The following SLC19A3 variants were observed in gnomAD, a reference collection of about 807,000 sequenced individuals.
The protein encoded by SLC19A3 is solute carrier family 19 member 3, also known as thiamine transporter 2.
A neutral mutation model predicts 40.2 loss-of-function variants in SLC19A3; 31 were observed. The ratio of observed to expected loss-of-function variants is 0.77; its 90% confidence interval spans 0.58 to 1.04. SLC19A3 has a LOEUF of 1.04. Ranked by LOEUF, SLC19A3 falls within the 50% of genes least tolerant of loss-of-function variation. The pLI, the probability that SLC19A3 is intolerant of heterozygous loss-of-function variation, is 0.00. For missense variants in SLC19A3, 592 were observed against 596.7 expected, an observed-to-expected ratio of 0.99 and a Z score of 0.08; for synonymous variants, 212 against 227.5, an observed-to-expected ratio of 0.93 and a Z score of 0.61.
chr2:227,707,068 G>A (rs1386616201), intron 1 of SLC19A3, among the ~76,000 whole-genome samples: 1 of 152,174 alleles, frequency 6.6e-6, no homozygotes, highest in African/African-American at 2.4e-5. Flanking sequence ...GGGTCTCCCT[G>A]CTGCACCTGC....
At position 227,714,623 on chromosome 2, in the gene SLC19A3, G is replaced by A. The variant is rs541039515; in HGVS notation, c.-3+3320C>T. ...GCTGCCAAGAGCAATAGCTTTATAC[G>A]CAGAAGCCCATCCACTTCTGGTGGC... is the stretch of plus-strand genomic sequence containing the variant. On this transcript the variant is annotated intron_variant, in intron 1 of 5. Transcript: ENST00000644224. 5.5e-5 allele frequency: 54 copies of A among 979,246 alleles called. No homozygotes were observed. The African/African-American group carries it at 6.5e-4, about 12-fold the overall frequency. The allele number at this position is 979,246 out of a possible 1,614,324, so 60.7% of individuals were successfully genotyped here.
chr2:227,699,636 A>G (rs1695598405), intron 2 of SLC19A3, 72 bp from the exon 3 acceptor site: 2 of 1,270,058 alleles, frequency 1.6e-6, no homozygotes, highest in African/African-American at 1.5e-5. Context: ...TTGTATCTCA[A>G]ATTCTGCCTC....
At chr2:227,700,183 T>C (rs564492036) in intron 2 of SLC19A3, among the ~76,000 whole-genome samples, 3 of 151,738 alleles carry the variant, frequency 2.0e-5, no homozygotes, top group Admixed American at 2.0e-4. Context: ...GGCCCAAGAT[T>C]CTTAAAAAAT....
chr2:227,696,190 A>T (rs895238032), intron 3 of SLC19A3, 109 bp from the exon 4 acceptor site: 1 of 1,017,014 alleles, frequency 9.8e-7, no homozygotes, highest in Non-Finnish European at 1.5e-6. Flanking sequence ...AGATAAATAT[A>T]TTGCTTTCAC....
At position 227,685,711 on chromosome 2, in the gene SLC19A3, C is replaced by T. The variant is rs1188803155; in HGVS notation, c.*1686G>A. 6.5e-6 allele frequency: 1 copy of T among 152,736 alleles called. No individual in the cohort carries two copies. Among genetic ancestry groups the T allele is most frequent in the Admixed American group, 6.5e-5 (1 of 15,336 alleles). The allele number at this position is 152,736 out of a possible 1,614,324, so 9.5% of individuals were successfully genotyped here. On this transcript the variant is annotated 3_prime_UTR_variant, in exon 6 of 6. Coordinates refer to ENST00000644224, the MANE Select transcript of SLC19A3 (RefSeq NM_025243.4). The stretch of plus-strand genomic sequence containing the variant: ...TACAGGTGTGAGCCACAGCTTCCAG[C>T]CTTAATATAAATCTTGACTCAGCAT...
intron 1 of SLC19A3, among the ~76,000 whole-genome samples, chr2:227,705,696 A>T (rs1014249978): frequency 5.9e-5 from 9 of 152,108 alleles, no homozygotes; most frequent in African/African-American, 2.2e-4. Flanking sequence ...GGGGCGAACA[A>T]CATGCCCTCG....
rs745347172 is a variant in SLC19A3 at position 227,695,918 on chromosome 2, G to A, written c.1143C>T (p.Ser381=). 3.1e-6 allele frequency: 5 copies of A among 1,614,032 alleles called. No homozygotes were observed. The highest frequency in any genetic ancestry group is 4.2e-6 in the Non-Finnish European group (5 of 1,180,044). ...ACYAGYLIFK[S]SYMLLITIAV... is the part of the protein sequence containing the mutation. ...CTATGGTTATAAGAAGCATATAGCT[G>A]GACTTGAATATCAAATAGCCAGCAT... is the stretch of plus-strand genomic sequence containing the variant. Residue 381 remains serine (S), a synonymous_variant, in exon 4 of 6, where the codon TCC becomes TCT. Coordinates refer to ENST00000644224, the MANE Select transcript of SLC19A3 (RefSeq NM_025243.4).
Position 227,699,057 on chromosome 2 carries a change from T to C in SLC19A3, c.658A>G (p.Thr220Ala), listed in dbSNP as rs566555288. 1.9e-6 allele frequency: 3 copies of C among 1,614,164 alleles called. No homozygotes were observed. The highest frequency in any genetic ancestry group is 4.5e-5 in the East Asian group (2 of 44,876). The change falls in exon 3 of 6, where the codon ACT becomes GCT. Residue 220 changes from threonine to alanine, a missense_variant. Transcript: ENST00000644224. ...SSSVNPVLEE[T>A]HEGEAPGCEE... ...CAGCCTGGTGCTTCACCTTCGTGAGTTTCCTCTAATACTGGATTCACGCTT... is the reference window on the plus strand; with the variant it reads ...CAGCCTGGTGCTTCACCTTCGTGAGCTTCCTCTAATACTGGATTCACGCTT...
chr2:227,712,253 A>G (rs1696169595), intron 1 of SLC19A3, among the ~76,000 whole-genome samples: 1 of 152,034 alleles, frequency 6.6e-6, no homozygotes, highest in Admixed American at 6.6e-5. Flanking sequence ...AATACCACAC[A>G]CAGACACACA....
At chr2:227,717,870 AGAGAGGCG>A (rs1306409682) in intron 1 of SLC19A3, 65 bp downstream of exon 1, 50 of 975,390 alleles carry the variant, frequency 5.1e-5, no homozygotes, top group Admixed American at 1.2e-4. Context: ...ACCCGGGAAG[AGAGAGGCG>A]ACACTGCTAA....
rs1695553029 is a variant in SLC19A3, at chr2:227,698,885, C to A, written c.830G>T (p.Arg277Leu). 1.9e-6 allele frequency: 3 copies of A among 1,614,022 alleles called. No individual in the cohort carries two copies. In the South Asian group the frequency reaches 3.3e-5, roughly 18 times the overall value. The part of the protein sequence containing the change: ...QDLKECYSSK[R>L]LFYWSLWWAF... ...CCACCATAGAGACCAGTAGAAAAGA[C>A]GTTTTGAGGAGTAGCACTCCTTCAA... The change falls in exon 3 of 6, where the codon CGT (arginine) becomes CTT (leucine). Residue 277 changes from arginine (R) to leucine (L), a missense_variant. Coordinates refer to ENST00000644224, the MANE Select transcript of SLC19A3 (RefSeq NM_025243.4).
chr2:227,702,173 G>T lies in SLC19A3; in HGVS notation c.146C>A (p.Ala49Glu). The T allele has an allele frequency of 6.2e-7, 1 of 1,612,872 alleles. No individual in the cohort carries two copies. The highest frequency in any genetic ancestry group is 1.7e-5 in the Admixed American group (1 of 59,980). ...TATGTATGTATGTTAACTTACCTCT[G>T]CACTGGTCAGGTTTTTATCTGGTCC... ...LSGPDKNLTS[A>E]EITNEIFPVW... The change falls in exon 2 of 6, where the codon GCA (alanine) becomes GAA (glutamate). Residue 49 changes from alanine to glutamate, a missense_variant. Transcript: ENST00000644224.
intron 1 of SLC19A3, among the ~76,000 whole-genome samples, chr2:227,715,764 A>G (rs1696314272): frequency 6.6e-6 from 1 of 152,074 alleles, no homozygotes; most frequent in African/African-American, 2.4e-5. Flanking sequence ...AGCCTGGGCA[A>G]AATAGCGAGA....
intron 1 of SLC19A3, chr2:227,706,323 G>A (rs1483994852): frequency 8.1e-7 from 1 of 1,231,506 alleles, no homozygotes; most frequent in Non-Finnish European, 1.0e-6. Flanking sequence ...ACCTGTGAAA[G>A]CCAGATGTTT....
chr2:227,700,462 CA>C (rs1197817430), intron 2 of SLC19A3, among the ~76,000 whole-genome samples: 1 of 151,938 alleles, frequency 6.6e-6, no homozygotes, highest in Non-Finnish European at 1.5e-5. Flanking sequence ...CGCTTGAACC[CA>C]GGAGGCAGAG....
chr2:227,695,836 G>A (rs1489690922), intron 4 of SLC19A3, 53 bp downstream of exon 4: 1 of 1,551,206 alleles, frequency 6.4e-7, no homozygotes, highest in African/African-American at 1.4e-5. Flanking sequence ...AGTTTAGAAA[G>A]ACAGAAGAGA....
At chr2:227,691,421 G>A (rs1695223116) in intron 4 of SLC19A3, among the ~76,000 whole-genome samples, 1 of 152,100 alleles carries the variant, frequency 6.6e-6, no homozygotes, top group Admixed American at 6.5e-5. Context: ...AGCCTGGGCA[G>A]TATGGTGAAA....
At chr2:227,704,172 AG>A (rs1695832014) in intron 1 of SLC19A3, among the ~76,000 whole-genome samples, 1 of 152,168 alleles carries the variant, frequency 6.6e-6, no homozygotes, top group Admixed American at 6.5e-5. Context: ...GTGAAAAGAG[AG>A]AAGTGTCAGG....
intron 3 of SLC19A3, among the ~76,000 whole-genome samples, chr2:227,698,037 C>T (rs1030061643): frequency 6.6e-6 from 1 of 152,068 alleles, no homozygotes; most frequent in East Asian, 1.9e-4. Context: ...TGAGATCGCA[C>T]CACTGCATTC....
Sources: allele counts gnomAD v4.1 joint callset (sites outside exome capture counted in the v4.1 genomes callset), GRCh38; gene constraint gnomAD v4.1.1; transcripts MANE v1.5; gene names NCBI Gene and HGNC (gene_info 2026-07-23, HGNC 2026-07-21).